The following MTR variants were observed in gnomAD, a reference collection of about 807,000 sequenced individuals.
The protein encoded by MTR is 5-methyltetrahydrofolate-homocysteine methyltransferase.
MTR carries 84 observed loss-of-function variants against 154.8 expected under a neutral mutation model. The ratio of observed to expected loss-of-function variants is 0.54; its 90% CI spans 0.45 to 0.65. The LOEUF is 0.65. Ranked by LOEUF, MTR falls within the 30% of genes least tolerant of loss-of-function variation. The probability of loss-of-function intolerance (pLI) is 0.00; values close to 1 mark genes in which losing one functional copy is unlikely to be tolerated. For synonymous variants in MTR, 554 were observed against 553.9 expected (o/e 1.00, Z 0.00); for missense variants, 1,275 against 1,570.2 (o/e 0.81, Z 3.18).
intron 27 of MTR, among the ~76,000 whole-genome samples, chr1:236,888,025 T>C (rs1397020047): frequency 6.6e-6 from 1 of 152,196 alleles, no homozygotes; most frequent in African/African-American, 2.4e-5. Context: ...GAAGGGATTG[T>C]CCCGTGTAGT....
rs1028991870 is a variant in MTR at position 236,899,695 on chromosome 1, A to G, written c.*2051A>G. ...TTAAGCAAACACTTGAAGTGAGAAG[A>G]TGATCCACAACTTGAGAAGACATTT... On this transcript the variant is annotated 3_prime_UTR_variant, in exon 33 of 33. Coordinates refer to ENST00000366577, the MANE Select transcript of MTR (RefSeq NM_000254.3). 6.6e-6 allele frequency: 1 copy of G among 152,264 alleles called. No individual in the cohort carries two copies. Among genetic ancestry groups the G allele is most frequent in the Non-Finnish European group, 1.5e-5 (1 of 68,056 alleles). 9.4% of individuals were successfully genotyped at this position (152,264 alleles called of 1,614,324 possible). A position where few individuals can be genotyped will look rare whatever the true frequency, so the allele number is the denominator to read the frequency against.
chr1:236,820,122 A>G (rs1661840075), intron 8 of MTR: 4 of 766,980 alleles, frequency 5.2e-6, no homozygotes, highest in Non-Finnish European at 4.8e-6. Context: ...TTGCCATTGC[A>G]TGCAACAAGG....
At chr1:236,870,243 G>C (rs1463285784) in intron 22 of MTR, among the ~76,000 whole-genome samples, 1 of 152,178 alleles carries the variant, frequency 6.6e-6, no homozygotes, top group Non-Finnish European at 1.5e-5. Context: ...TTGAAGGCAG[G>C]CTAATTAGCT....
intron 32 of MTR, 50 bp from the exon 33 acceptor site, chr1:236,897,508 C>A: frequency 6.5e-7 from 1 of 1,549,084 alleles, no homozygotes; most frequent in Non-Finnish European, 8.9e-7. Flanking sequence ...AACTTCTATT[C>A]CAAAAGTCTT....
chr1:236,864,568 C>T (rs1371591161), intron 22 of MTR, among the ~76,000 whole-genome samples: 1 of 151,988 alleles, frequency 6.6e-6, no homozygotes, highest in Non-Finnish European at 1.5e-5. Context: ...GTCCTAGAAA[C>T]GAGGAATACT....
chr1:236,824,364 A>C (rs558155332), intron 9 of MTR, 145 bp downstream of exon 9: 38 of 778,926 alleles, frequency 4.9e-5, no homozygotes, highest in Non-Finnish European at 8.4e-5. Context: ...GTCTGGGTGC[A>C]GTGTTTCCCT....
chr1:236,818,290 C>A (rs990729395), intron 8 of MTR, among the ~76,000 whole-genome samples: 8 of 152,100 alleles, frequency 5.3e-5, no homozygotes, highest in African/African-American at 1.9e-4. Context: ...GTGTACCACA[C>A]CAGTGTGAGA....
At chr1:236,850,099 A>C (rs746620382) in intron 15 of MTR, among the ~76,000 whole-genome samples, 4 of 152,146 alleles carry the variant, frequency 2.6e-5, no homozygotes, top group Non-Finnish European at 4.4e-5. Flanking sequence ...ACACAAAGAG[A>C]TCTTTAAACC....
Position 236,806,137 on chromosome 1 carries a change from G to A in MTR, c.250-7G>A, listed in dbSNP as rs184332230. 2,032 of 1,612,658 alleles carry A rather than the reference G, an allele frequency of 1.3e-3. 40 individuals are homozygous for A. In the Admixed American group the frequency reaches 0.033, roughly 26 times the overall value. ...CTCATAATTGACATTATAATCTCTTGTTGCAGGAATACTTGCTGGCTGGGG... is the reference window on the plus strand; with the variant it reads ...CTCATAATTGACATTATAATCTCTTATTGCAGGAATACTTGCTGGCTGGGG... On this transcript the variant is annotated splice_polypyrimidine_tract_variant and splice_region_variant and intron_variant, in intron 2 of 32. Transcript: ENST00000366577.
intron 18 of MTR, among the ~76,000 whole-genome samples, chr1:236,857,795 A>T (rs1664289356): frequency 2.0e-5 from 3 of 152,308 alleles, no homozygotes; most frequent in Middle Eastern, 6.8e-3. Context: ...CCTGAGGGAG[A>T]TTCTGACCCC....
rs756925176 is a variant in MTR, at chr1:236,808,653, A to T, written c.340-51A>T. ...TTAGATGGTCATGAATCCATTATTT[A>T]TTGTGCGGAGGAAAAGAAGGACAAG... On this transcript the variant is annotated intron_variant, in intron 3 of 32. Coordinates refer to ENST00000366577, the MANE Select transcript of MTR (RefSeq NM_000254.3). 3 of 1,530,598 alleles carry T rather than the reference A, an allele frequency of 2.0e-6. No individual in the cohort carries two copies. In the East Asian group the frequency reaches 6.7e-5, roughly 34 times the overall value. The allele number at this position is 1,530,598 out of a possible 1,614,324, so 94.8% of individuals were successfully genotyped here.
chr1:236,841,397 G>A (rs907430918), intron 15 of MTR, among the ~76,000 whole-genome samples: 3 of 152,146 alleles, frequency 2.0e-5, no homozygotes, highest in Admixed American at 6.5e-5. Flanking sequence ...TGTTTGCATT[G>A]TTTTCTATGT....
intron 22 of MTR, among the ~76,000 whole-genome samples, chr1:236,867,264 A>G (rs1664868846): frequency 6.6e-6 from 1 of 152,202 alleles, no homozygotes; most frequent in Admixed American, 6.5e-5. Flanking sequence ...TAGGGCTTTA[A>G]GAATTATGTT....
intron 1 of MTR, chr1:236,800,546 G>A (rs1440319649): frequency 2.2e-6 from 2 of 921,524 alleles, no homozygotes; most frequent in Non-Finnish European, 2.6e-6. Context: ...AGCTTTCACT[G>A]AGTATTTTCT....
chr1:236,830,088 T>C (rs1662523556), intron 12 of MTR, among the ~76,000 whole-genome samples: 1 of 152,214 alleles, frequency 6.6e-6, no homozygotes, highest in Admixed American at 6.5e-5. Flanking sequence ...AAAAGTAGTG[T>C]CCACTTTTCT....
intron 24 of MTR, among the ~76,000 whole-genome samples, chr1:236,877,273 T>C (rs1665484778): frequency 6.6e-6 from 1 of 152,204 alleles, no homozygotes; most frequent in Non-Finnish European, 1.5e-5. Context: ...AGTTTAGCAG[T>C]TATACAGAAA....
At chr1:236,798,400 G>A (rs1348018321) in intron 1 of MTR, among the ~76,000 whole-genome samples, 1 of 152,116 alleles carries the variant, frequency 6.6e-6, no homozygotes, top group Non-Finnish European at 1.5e-5. Context: ...TCTGACTAGG[G>A]CTTTAACCAC....
At chr1:236,834,431 C>T (rs971344460) in intron 13 of MTR, among the ~76,000 whole-genome samples, 2 of 152,152 alleles carry the variant, frequency 1.3e-5, no homozygotes, top group Non-Finnish European at 2.9e-5. Context: ...CTGCCTGTCT[C>T]GGCCTCCCAA....
At chr1:236,819,712 G>T (rs1030185355) in intron 8 of MTR, 2 of 712,440 alleles carry the variant, frequency 2.8e-6, no homozygotes, top group African/African-American at 3.5e-5. Flanking sequence ...ACCCATTTAG[G>T]TGGCACCAAA....
Sources: allele counts gnomAD v4.1 joint callset (sites outside exome capture counted in the v4.1 genomes callset), GRCh38; gene constraint gnomAD v4.1.1; transcripts MANE v1.5; gene names NCBI Gene and HGNC (gene_info 2026-07-23, HGNC 2026-07-21).